The following FOXK1 variants were observed in gnomAD, a reference collection of about 807,000 sequenced individuals.
FOXK1 encodes the protein forkhead box protein K1.
FOXK1 carries 19 observed loss-of-function variants against 51.9 expected under a neutral mutation model. The observed-to-expected ratio is 0.37, with a 90% confidence interval of 0.26 to 0.54. The LOEUF (loss-of-function observed/expected upper bound fraction) is 0.54, where lower values mean the gene tolerates loss of function less well. Ranked by LOEUF, FOXK1 falls within the 20% of genes least tolerant of loss-of-function variation. The pLI is 0.87. For missense variants in FOXK1, 870 were observed against 1,032.7 expected, an observed-to-expected ratio of 0.84 and a Z score of 2.16; for synonymous variants, 537 against 482.6, an observed-to-expected ratio of 1.11 and a Z score of -1.48.
chr7:4,698,699 C>T (rs938548679), intron 1 of FOXK1, among the ~76,000 whole-genome samples: 3 of 151,984 alleles, frequency 2.0e-5, no homozygotes, highest in African/African-American at 4.8e-5. Context: ...ACTACAGGCA[C>T]GTGCCACCAC....
chr7:4,762,291 G>T lies in FOXK1; in HGVS notation c.2029G>T (p.Ala677Ser), dbSNP rs776753169. The change falls in exon 9 of 9, where the codon GCG (alanine) becomes TCG (serine). Residue 677 changes from alanine to serine, a missense_variant. Ala to Ser is a moderately conservative substitution (Grantham distance 99, BLOSUM62 1). This residue lies in a region of FOXK1 where 457 missense variants were observed against 510.8 expected (regional missense o/e 0.89). Transcript: ENST00000328914. The surrounding 1 kb of genome is among the most constrained non-coding windows in gnomAD (Gnocchi z 5.7). ...VGPKEPAAAVAATATTTPATA... is the reference protein window; with the variant it reads ...VGPKEPAAAVSATATTTPATA... ...GCCCAAGGAGCCAGCAGCAGCCGTC[G>T]CGGCCACGGCCACCACCACCCCAGC... 1.8e-5 allele frequency: 28 copies of T among 1,550,222 alleles called. No homozygotes were observed. The highest frequency in any genetic ancestry group is 2.2e-5 in the Non-Finnish European group (25 of 1,146,810).
Position 4,753,330 on chromosome 7 carries a change from T to C in FOXK1, c.747-1129T>C, listed in dbSNP as rs1780802803. Among the ~76,000 whole-genome samples, 1 of 152,146 alleles carries C rather than the reference T, an allele frequency of 6.6e-6. No homozygotes were observed. The highest frequency in any genetic ancestry group is 6.5e-5 in the Admixed American group (1 of 15,274). Reference sequence around the variant, plus strand: ...TTTGGAGATCTAGGAGTCTTGTGCCTGGACAGTTAGGGAAGGATGTTCCTG... The same window carrying C: ...TTTGGAGATCTAGGAGTCTTGTGCCCGGACAGTTAGGGAAGGATGTTCCTG... On this transcript the variant is annotated intron_variant, in intron 2 of 8. Coordinates refer to ENST00000328914, the MANE Select transcript of FOXK1 (RefSeq NM_001037165.2). This position sits in a 1 kb window ranked among gnomAD's most constrained non-coding sequence, Gnocchi z 4.9.
At chr7:4,698,758 T>A (rs1779983541) in intron 1 of FOXK1, among the ~76,000 whole-genome samples, 1 of 152,168 alleles carries the variant, frequency 6.6e-6, no homozygotes, top group Non-Finnish European at 1.5e-5. Context: ...TTCACCATGT[T>A]ACCCAGGCTG....
chr7:4,746,007 T>G (rs994349082), intron 2 of FOXK1, among the ~76,000 whole-genome samples: 2 of 152,200 alleles, frequency 1.3e-5, no homozygotes, highest in African/African-American at 4.8e-5. Context: ...AGGTAGAGTT[T>G]TAAGAAAACT....
intron 1 of FOXK1, among the ~76,000 whole-genome samples, chr7:4,684,152 G>A (rs1351090695): frequency 6.6e-6 from 1 of 152,170 alleles, no homozygotes; most frequent in Non-Finnish European, 1.5e-5. Context: ...TGTTGATCAG[G>A]AGAAAGCCTG....
In FOXK1 at chr7:4,764,348, A is replaced by G. The variant is rs111811452; in HGVS notation, c.*1884A>G. On this transcript the variant is annotated 3_prime_UTR_variant, in exon 9 of 9. Transcript: ENST00000328914. ...TCGTTTCTATGGCACTAACCTTTCC[A>G]TGGGAAATAAGCTCTTTGTGGAAGT... 1 of 154,212 alleles carries G rather than the reference A, an allele frequency of 6.5e-6. No individual in the cohort carries two copies. The highest frequency in any genetic ancestry group is 6.5e-5 in the Admixed American group (1 of 15,276). The allele number at this position is 154,212 out of a possible 1,614,324, so 9.6% of individuals were successfully genotyped here.
chr7:4,766,825 G>A lies in FOXK1; in HGVS notation c.*4361G>A, dbSNP rs552893113. ...AGAGGGCCCTCCCTGGAGCACCCCC[G>A]GGGAGCTGGGACTCTCCAGAAAGCC... is the stretch of plus-strand genomic sequence containing the variant. On this transcript the variant is annotated 3_prime_UTR_variant, in exon 9 of 9. Coordinates refer to ENST00000328914, the MANE Select transcript of FOXK1 (RefSeq NM_001037165.2). This position sits in a 1 kb window ranked among gnomAD's most constrained non-coding sequence, Gnocchi z 5.5. The A allele has an allele frequency of 2.6e-5, 4 of 152,360 alleles. 1 individual carries two copies. The South Asian group carries it at 6.2e-4, about 24-fold the overall frequency. 9.4% of individuals were successfully genotyped at this position (152,360 alleles called of 1,614,324 possible).
At chr7:4,752,027 A>G (rs2115068993) in intron 2 of FOXK1, among the ~76,000 whole-genome samples, 1 of 152,288 alleles carries the variant, frequency 6.6e-6, no homozygotes, top group East Asian at 1.9e-4. Context: ...ATCATAGCTC[A>G]CTGCAGCCTC....
At chr7:4,702,842 C>T (rs574610356) in intron 1 of FOXK1, among the ~76,000 whole-genome samples, 1 of 152,310 alleles carries the variant, frequency 6.6e-6, no homozygotes, top group Non-Finnish European at 1.5e-5. Context: ...GGCCTCCTCC[C>T]CTGCCTTCCT....
In FOXK1 at chr7:4,764,899, G is replaced by A. The variant is rs1203247790; in HGVS notation, c.*2435G>A. 4 of 152,350 alleles carry A rather than the reference G, an allele frequency of 2.6e-5. No homozygotes were observed. The highest frequency in any genetic ancestry group is 5.9e-5 in the Non-Finnish European group (4 of 68,114). 9.4% of individuals were successfully genotyped at this position (152,350 alleles called of 1,614,324 possible). A position where few individuals can be genotyped will look rare whatever the true frequency, so the allele number is the denominator to read the frequency against. On this transcript the variant is annotated 3_prime_UTR_variant, in exon 9 of 9. Transcript: ENST00000328914. The stretch of plus-strand genomic sequence containing the variant: ...TGACCCACGTGGTTTCCTGGCTTCT[G>A]AGACGCAGCGCATTCTTCCTGTTAG...
At chr7:4,705,991 T>TACGTATATATAC (rs1562373062) in intron 1 of FOXK1, among the ~76,000 whole-genome samples, 4 of 100,530 alleles carry the variant, frequency 4.0e-5, no homozygotes, top group Non-Finnish European at 7.3e-5. Context: ...TACGTATATA[T>TACGTATATATAC]ACGTATATAT....
chr7:4,705,501 T>C (rs1468375786), intron 1 of FOXK1, among the ~76,000 whole-genome samples: 2 of 147,470 alleles, frequency 1.4e-5, no homozygotes, highest in Non-Finnish European at 3.0e-5. Context: ...AATTCTTCTG[T>C]GTCATTTCCT....
In FOXK1 at chr7:4,703,430, G is replaced by C. The variant is rs377268374; in HGVS notation, c.560+20562G>C. Reference sequence around the variant, plus strand: ...CAAGACATGCGGAGAACCCGCGTCTGCAGGGCTGGTGGCGTCCAGCACAGG... The same window carrying C: ...CAAGACATGCGGAGAACCCGCGTCTCCAGGGCTGGTGGCGTCCAGCACAGG... On this transcript the variant is annotated intron_variant, in intron 1 of 8. Coordinates refer to ENST00000328914, the MANE Select transcript of FOXK1 (RefSeq NM_001037165.2). This position sits in a 1 kb window ranked among gnomAD's most constrained non-coding sequence, Gnocchi z 5.6. Among the ~76,000 whole-genome samples, 12 of 152,336 alleles carry C rather than the reference G, an allele frequency of 7.9e-5. No individual in the cohort carries two copies. The highest frequency in any genetic ancestry group is 2.9e-4 in the African/African-American group (12 of 41,574).
At chr7:4,750,354 T>C (rs1192983691) in intron 2 of FOXK1, among the ~76,000 whole-genome samples, 2 of 152,232 alleles carry the variant, frequency 1.3e-5, no homozygotes, top group African/African-American at 4.8e-5. Flanking sequence ...TGGTGGTCCC[T>C]GTCAGGGAGC....
chr7:4,705,865 A>G (rs1469861443), intron 1 of FOXK1, among the ~76,000 whole-genome samples: 1 of 150,374 alleles, frequency 6.7e-6, no homozygotes, highest in African/African-American at 2.5e-5. Context: ...GTAGGAACCA[A>G]TTTTAAAAGA....
chr7:4,758,932 C>A lies in FOXK1; in HGVS notation c.1245-119C>A. On this transcript the variant is annotated intron_variant, in intron 5 of 8. Transcript: ENST00000328914. This position sits in a 1 kb window ranked among gnomAD's most constrained non-coding sequence, Gnocchi z 4.4. Reference sequence around the variant, plus strand: ...TTTCTCACCGTCTGAATGCGGAGGACAGAGACGAGCTCCAGGGAGCGTGGG... The same window carrying A: ...TTTCTCACCGTCTGAATGCGGAGGAAAGAGACGAGCTCCAGGGAGCGTGGG... 2 of 1,098,992 alleles carry A rather than the reference C, an allele frequency of 1.8e-6. No individual in the cohort carries two copies. The highest frequency in any genetic ancestry group is 2.6e-6 in the Non-Finnish European group (2 of 781,078). The allele number at this position is 1,098,992 out of a possible 1,614,324, so 68.1% of individuals were successfully genotyped here.
rs559301662 is a variant in FOXK1 at position 4,768,322 on chromosome 7, C to G, written c.*5858C>G. 6.8e-6 allele frequency: 1 copy of G among 147,552 alleles called. No homozygotes were observed. The highest frequency in any genetic ancestry group is 1.5e-5 in the Non-Finnish European group (1 of 67,708). 9.1% of individuals were successfully genotyped at this position (147,552 alleles called of 1,614,324 possible). A position where few individuals can be genotyped will look rare whatever the true frequency, so the allele number is the denominator to read the frequency against. The stretch of plus-strand genomic sequence containing the variant: ...TAATTTTTTGTATTTTTAGTAGAGA[C>G]GGGGTTTCACCGTGTTAGCCAGGAT... On this transcript the variant is annotated 3_prime_UTR_variant, in exon 9 of 9. Transcript: ENST00000328914.
At position 4,703,065 on chromosome 7, in the gene FOXK1, T is replaced by C. The variant is rs191572287; in HGVS notation, c.560+20197T>C. On this transcript the variant is annotated intron_variant, in intron 1 of 8. Coordinates refer to ENST00000328914, the MANE Select transcript of FOXK1 (RefSeq NM_001037165.2). This position sits in a 1 kb window ranked among gnomAD's most constrained non-coding sequence, Gnocchi z 5.6. Reference sequence around the variant, plus strand: ...AGGTCCGGTTGGGGACCGAGACCCCTGGTTGCTTGCACTGCTGGGTGAGAG... The same window carrying C: ...AGGTCCGGTTGGGGACCGAGACCCCCGGTTGCTTGCACTGCTGGGTGAGAG... Among the ~76,000 whole-genome samples the C allele has an allele frequency of 5.9e-5, 9 of 152,224 alleles. No homozygotes were observed. In the East Asian group the frequency reaches 1.7e-3, roughly 29 times the overall value.
At chr7:4,685,497 C>T (rs1188030706) in intron 1 of FOXK1, among the ~76,000 whole-genome samples, 3 of 150,782 alleles carry the variant, frequency 2.0e-5, no homozygotes, top group Non-Finnish European at 4.4e-5. Flanking sequence ...TACAGGCATA[C>T]AGGCGTGAGC....
Sources: allele counts gnomAD v4.1 joint callset (sites outside exome capture counted in the v4.1 genomes callset), GRCh38; gene constraint gnomAD v4.1.1; regional missense constraint gnomAD v4.1.1; non-coding constraint Gnocchi (gnomAD v3.1); transcripts MANE v1.5; gene names NCBI Gene and HGNC (gene_info 2026-07-23, HGNC 2026-07-21).